Variants in ARHGEF10L observed in about 807,000 individuals in gnomAD.
ARHGEF10L encodes rho guanine nucleotide exchange factor 10-like protein.
ARHGEF10L carries 69 observed loss-of-function variants against 141.2 expected under a neutral mutation model. That is an observed-to-expected ratio of 0.49 (90% confidence interval 0.40 to 0.60). The LOEUF is 0.60. Ranked by LOEUF, ARHGEF10L falls within the 20% of genes least tolerant of loss-of-function variation. ARHGEF10L has a pLI of 0.00. For missense variants in ARHGEF10L, 1,482 were observed against 1,734.3 expected, an observed-to-expected ratio of 0.85 and a Z score of 2.58; for synonymous variants, 711 against 718.5, an observed-to-expected ratio of 0.99 and a Z score of 0.17.
intron 4 of ARHGEF10L, among the ~76,000 whole-genome samples, chr1:17,597,636 A>C (rs569089516): frequency 3.5e-4 from 53 of 152,266 alleles, no homozygotes; most frequent in South Asian, 4.1e-4. Context: ...CCTGAGAGCA[A>C]GGCTTTGCAG....
chr1:17,586,051 G>A (rs1267859654), intron 2 of ARHGEF10L, among the ~76,000 whole-genome samples: 1 of 152,192 alleles, frequency 6.6e-6, no homozygotes, highest in African/African-American at 2.4e-5. Context: ...CACAGCTGGA[G>A]GGTCCCCTGG....
the ARHGEF10L span, among the ~76,000 whole-genome samples, chr1:17,526,955 T>A: frequency 6.6e-5 from 10 of 151,576 alleles, no homozygotes; most frequent in Non-Finnish European, 1.2e-4. Flanking sequence ...GGATGCCTCG[T>A]TGTGCTGTCT....
chr1:17,537,048 A>C (rs2076586032), upstream of ARHGEF10L, among the ~76,000 whole-genome samples: 1 of 151,242 alleles, frequency 6.6e-6, no homozygotes, highest in African/African-American at 2.4e-5. Context: ...TTTTTATTTT[A>C]TTTTATTTTA....
chr1:17,656,497 G>A lies in ARHGEF10L; in HGVS notation c.2706-57G>A, dbSNP rs758884607. The A allele has an allele frequency of 1.3e-5, 21 of 1,566,614 alleles. No homozygotes were observed. The highest frequency in any genetic ancestry group is 1.7e-5 in the Non-Finnish European group (20 of 1,150,852). Reference sequence around the variant, plus strand: ...CTCTCCCTAGGAGGGCATGGGGGCAGTGAGTGGGTGGGAGTGCTCAGTGTG... The same window carrying A: ...CTCTCCCTAGGAGGGCATGGGGGCAATGAGTGGGTGGGAGTGCTCAGTGTG... On this transcript the variant is annotated intron_variant, in intron 24 of 28. Coordinates refer to ENST00000361221, the MANE Select transcript of ARHGEF10L (RefSeq NM_018125.4). This position sits in a 1 kb window ranked among gnomAD's most constrained non-coding sequence, Gnocchi z 4.9.
In ARHGEF10L at chr1:17,627,192, G is replaced by C; in HGVS notation, c.1411-138G>C. 1 of 897,830 alleles carries C rather than the reference G, an allele frequency of 1.1e-6. No individual in the cohort carries two copies. The highest frequency in any genetic ancestry group is 2.0e-5 in the South Asian group (1 of 49,692). 55.6% of individuals were successfully genotyped at this position (897,830 alleles called of 1,614,324 possible). A position where few individuals can be genotyped will look rare whatever the true frequency, so the allele number is the denominator to read the frequency against. On this transcript the variant is annotated intron_variant, in intron 14 of 28. Coordinates refer to ENST00000361221, the MANE Select transcript of ARHGEF10L (RefSeq NM_018125.4). This position sits in a 1 kb window ranked among gnomAD's most constrained non-coding sequence, Gnocchi z 4.0. ...TTCTTGAGGTCTTGTTCTGCATCTG[G>C]TGCCATCTGTCCTGGCCTCAGGCCG...
rs1435935735 is a variant in ARHGEF10L, at chr1:17,639,493, A to G, written c.2172-709A>G. ...CTCAGTCCCCCAGGGGACCATGTGT[A>G]GGAGTCAGCAGCTTTGAATCTGCCG... On this transcript the variant is annotated intron_variant, in intron 20 of 28. Transcript: ENST00000361221. This position sits in a 1 kb window ranked among gnomAD's most constrained non-coding sequence, Gnocchi z 4.3. Among the ~76,000 whole-genome samples, 3 of 151,680 alleles carry G rather than the reference A, an allele frequency of 2.0e-5. No individual in the cohort carries two copies. Among genetic ancestry groups the G allele is most frequent in the Non-Finnish European group, 4.4e-5 (3 of 67,850 alleles).
At chr1:17,536,500 CT>C (rs748581101), upstream of ARHGEF10L, among the ~76,000 whole-genome samples, 1 of 152,170 alleles carries the variant, frequency 6.6e-6, no homozygotes, top group Non-Finnish European at 1.5e-5. Flanking sequence ...CAAGAATGTG[CT>C]TCTGGGGAAG....
chr1:17,589,040 G>A (rs578113422), intron 4 of ARHGEF10L, among the ~76,000 whole-genome samples: 32 of 152,206 alleles, frequency 2.1e-4, no homozygotes, highest in Middle Eastern at 6.8e-3. Flanking sequence ...GTGCCTGGGA[G>A]CCTGTCAGAG....
intron 25 of ARHGEF10L, among the ~76,000 whole-genome samples, chr1:17,659,283 G>A (rs901636987): frequency 6.6e-6 from 1 of 152,186 alleles, no homozygotes; most frequent in African/African-American, 2.4e-5. Flanking sequence ...CTGAGAAGGG[G>A]CTTGCCTTAC....
chr1:17,645,735 C>T (rs567235969), intron 21 of ARHGEF10L, among the ~76,000 whole-genome samples: 1 of 152,334 alleles, frequency 6.6e-6, no homozygotes, highest in Non-Finnish European at 1.5e-5. Context: ...GCGTCGCAGG[C>T]ACCGTGCAAG....
intron 26 of ARHGEF10L, among the ~76,000 whole-genome samples, chr1:17,668,274 GC>G (rs1181334305): frequency 6.6e-6 from 1 of 152,222 alleles, no homozygotes; most frequent in Non-Finnish European, 1.5e-5. Flanking sequence ...GGGGCATCGA[GC>G]CCACACTGCA....
intron 21 of ARHGEF10L, 135 bp from the exon 22 acceptor site, chr1:17,648,419 G>A: frequency 9.0e-7 from 1 of 1,111,842 alleles, no homozygotes; most frequent in Non-Finnish European, 1.3e-6. Context: ...TCCGGCAGGA[G>A]TAGGGTGGGG....
chr1:17,598,526 T>C (rs966914205), intron 4 of ARHGEF10L, among the ~76,000 whole-genome samples: 3 of 152,166 alleles, frequency 2.0e-5, no homozygotes, highest in African/African-American at 7.2e-5. Context: ...TGTCCTTACA[T>C]GGTAGAAAGG....
chr1:17,683,693 C>T (rs1009111321), intron 26 of ARHGEF10L, among the ~76,000 whole-genome samples: 2 of 152,234 alleles, frequency 1.3e-5, no homozygotes, highest in Non-Finnish European at 2.9e-5. Flanking sequence ...TTTCCCCCGC[C>T]GGCCTCCCCG....
Position 17,695,012 on chromosome 1 carries a change from C to T in ARHGEF10L, c.3185-146C>T, listed in dbSNP as rs533972174. The stretch of plus-strand genomic sequence containing the variant: ...ACCCCAGGCAGGTCAGCCTCCAAAG[C>T]CCCAGCTCTTCCCCACCCCACCGCC... On this transcript the variant is annotated intron_variant, in intron 27 of 28. Transcript: ENST00000361221. 15 of 1,211,710 alleles carry T rather than the reference C, an allele frequency of 1.2e-5. No homozygotes were observed. In the East Asian group the frequency reaches 2.3e-4, roughly 19 times the overall value. The allele number at this position is 1,211,710 out of a possible 1,614,324, so 75.1% of individuals were successfully genotyped here.
rs529229699 is a variant in ARHGEF10L at position 17,588,359 on chromosome 1, G to T, written c.224-87G>T. 4 of 1,491,800 alleles carry T rather than the reference G, an allele frequency of 2.7e-6. No homozygotes were observed. The South Asian group carries it at 4.6e-5, about 17-fold the overall frequency. 92.4% of individuals were successfully genotyped at this position (1,491,800 alleles called of 1,614,324 possible). A position where few individuals can be genotyped will look rare whatever the true frequency, so the allele number is the denominator to read the frequency against. On this transcript the variant is annotated intron_variant, in intron 3 of 28. Coordinates refer to ENST00000361221, the MANE Select transcript of ARHGEF10L (RefSeq NM_018125.4). ...CCAGGCCCTGTCTGCGGCGCCCCTG[G>T]GGAGGCTGGGAAAGGGGCGGGGAAG...
Position 17,687,579 on chromosome 1 carries a change from T to C in ARHGEF10L, c.3016T>C (p.Phe1006Leu), listed in dbSNP as rs368888183. The change falls in exon 27 of 29, where the codon TTC (phenylalanine) becomes CTC (leucine). Residue 1006 changes from phenylalanine (F) to leucine (L), a missense_variant. This residue lies in a region of ARHGEF10L where 858 missense variants were observed against 966.3 expected (regional missense o/e 0.89). Transcript: ENST00000361221. ...EATTLQPQQS[F>L]EAHQDEAVSV... ...TCCTCCCTTTGTGCCACAGCAAAGC[T>C]TCGAGGCGCACCAGGACGAGGCAGT... is the stretch of plus-strand genomic sequence containing the variant. 7.4e-6 allele frequency: 12 copies of C among 1,612,720 alleles called. No homozygotes were observed. Among genetic ancestry groups the C allele is most frequent in the African/African-American group, 1.3e-5 (1 of 74,850 alleles).
At chr1:17,620,739 G>A (rs1414781516) in intron 10 of ARHGEF10L, among the ~76,000 whole-genome samples, 3 of 152,094 alleles carry the variant, frequency 2.0e-5, no homozygotes, top group Non-Finnish European at 4.4e-5. Context: ...AGAGTAGGGG[G>A]TCAGTCACCT....
chr1:17,539,224 T>G (rs1015188618), upstream of ARHGEF10L, among the ~76,000 whole-genome samples: 32 of 144,266 alleles, frequency 2.2e-4, no homozygotes, highest in Admixed American at 2.8e-4. The surrounding 1 kb of genome is among the most constrained non-coding windows in gnomAD (Gnocchi z 6.0). Flanking sequence ...ATGGCGGGGG[T>G]GGGGGGCAAT....
Sources: allele counts gnomAD v4.1 joint callset (sites outside exome capture counted in the v4.1 genomes callset), GRCh38; gene constraint gnomAD v4.1.1; regional missense constraint gnomAD v4.1.1; non-coding constraint Gnocchi (gnomAD v3.1); transcripts MANE v1.5; gene names NCBI Gene and HGNC (gene_info 2026-07-23, HGNC 2026-07-21).